The following SPATA9 variants were observed in gnomAD, a reference collection of about 807,000 sequenced individuals.
The protein encoded by SPATA9 is spermatogenesis-associated protein 9.
A neutral mutation model predicts 25.5 loss-of-function variants in SPATA9; 27 were observed. The observed-to-expected ratio is 1.06, with a 90% CI of 0.78 to 1.46. The LOEUF (loss-of-function observed/expected upper bound fraction) is 1.46, where lower values mean the gene tolerates loss of function less well. SPATA9 is among the 40% of genes most tolerant of loss of function. The probability of loss-of-function intolerance (pLI) is 0.00; values close to 1 mark genes in which losing one functional copy is unlikely to be tolerated. For missense variants in SPATA9, 282 were observed against 297.5 expected (o/e 0.95, Z 0.38); for synonymous variants, 102 against 105.7 (o/e 0.97, Z 0.21).
chr5:95,678,692 C>T (rs1220958474), intron 2 of SPATA9, among the ~76,000 whole-genome samples: 2 of 152,272 alleles, frequency 1.3e-5, no homozygotes, highest in African/African-American at 4.8e-5. Context: ...AAGACCATTC[C>T]TTTCACTGTT....
intron 1 of SPATA9, among the ~76,000 whole-genome samples, chr5:95,694,159 C>CA (rs201533944): frequency 0.012 from 1,734 of 150,738 alleles, 34 homozygotes; most frequent in African/African-American, 0.039. Flanking sequence ...GACCTAGTCT[C>CA]AAAAAAAAGG....
At chr5:95,726,172 C>T in the SPATA9 span, among the ~76,000 whole-genome samples, 1 of 152,164 alleles carries the variant, frequency 6.6e-6, no homozygotes, top group Non-Finnish European at 1.5e-5. Context: ...GGAATTTTAG[C>T]AAAACTTCAT....
exon 9 of SPATA9, chr5:95,653,070 C>T (rs1192041131): frequency 1.3e-6 from 2 of 1,548,880 alleles, no homozygotes; most frequent in African/African-American, 2.7e-5. Flanking sequence ...AACACATTCA[C>T]CAAGACTTTT....
chr5:95,682,880 T>C lies in SPATA9; in HGVS notation c.-26A>G, dbSNP rs527372494. 4.0e-6 allele frequency: 6 copies of C among 1,497,560 alleles called. No homozygotes were observed. In the African/African-American group the frequency reaches 8.4e-5, roughly 21 times the overall value. 92.8% of individuals were successfully genotyped at this position (1,497,560 alleles called of 1,614,324 possible). A position where few individuals can be genotyped will look rare whatever the true frequency, so the allele number is the denominator to read the frequency against. ...GGTGAGTTCTTGCTTGGGTTCCTAG[T>C]CCTTAACAAGCTTGCAGGCCTGGGT... is the stretch of plus-strand genomic sequence containing the variant. On this transcript the variant is annotated 5_prime_UTR_variant, in exon 1 of 5. Coordinates refer to ENST00000274432, the MANE Select transcript of SPATA9 (RefSeq NM_031952.4).
chr5:95,657,831 T>G (rs1750853879), downstream of SPATA9: 1 of 152,144 alleles, frequency 6.6e-6, no homozygotes, highest in Non-Finnish European at 1.5e-5. Flanking sequence ...GGAAGGTACA[T>G]CCCAGTCTAT....
chr5:95,728,047 A>G, the SPATA9 span, among the ~76,000 whole-genome samples: 1 of 152,256 alleles, frequency 6.6e-6, no homozygotes, highest in Non-Finnish European at 1.5e-5. Context: ...ACACTTCTCT[A>G]CTGCTCAGCA....
At chr5:95,655,546 A>G (rs892789101), downstream of SPATA9, 1 of 152,894 alleles carries the variant, frequency 6.5e-6, no homozygotes, top group Non-Finnish European at 1.5e-5. Flanking sequence ...GGTGCTTCCT[A>G]TGTTTTTTAA....
chr5:95,683,604 C>T (rs564441012), upstream of SPATA9, among the ~76,000 whole-genome samples: 99 of 152,138 alleles, frequency 6.5e-4, 1 homozygote, highest in Non-Finnish European at 9.4e-4. Flanking sequence ...GTGGCGCGAT[C>T]TTGGCTCACT....
At chr5:95,686,703 G>A (rs143011616), upstream of SPATA9, among the ~76,000 whole-genome samples, 29 of 152,148 alleles carry the variant, frequency 1.9e-4, no homozygotes, top group African/African-American at 6.3e-4. Context: ...GACCCTCCTG[G>A]GGGGGTAACT....
chr5:95,685,017 A>C (rs1753704694), upstream of SPATA9, among the ~76,000 whole-genome samples: 1 of 152,242 alleles, frequency 6.6e-6, no homozygotes, highest in Non-Finnish European at 1.5e-5. Flanking sequence ...AGACAGTATA[A>C]ACTTAGTGAT....
Position 95,669,661 on chromosome 5 carries a change from C to A in SPATA9, c.379-5613G>T, listed in dbSNP as rs572394085. ...CTTGGTCCTGTGGCTCTGCATTGGC[C>A]TGCCAGAATCAACAATGATGTCTGG... On this transcript the variant is annotated intron_variant, in intron 3 of 4. Coordinates refer to ENST00000274432, the MANE Select transcript of SPATA9 (RefSeq NM_031952.4). 9.9e-4 allele frequency among the ~76,000 whole-genome samples: 151 copies of A among 152,314 alleles called. 1 individual carries two copies. Among genetic ancestry groups the A allele is most frequent in the Admixed American group, 1.9e-3 (29 of 15,310 alleles).
At chr5:95,672,433 T>C (rs1021299510) in intron 3 of SPATA9, among the ~76,000 whole-genome samples, 3 of 151,146 alleles carry the variant, frequency 2.0e-5, no homozygotes, top group Non-Finnish European at 4.4e-5. Flanking sequence ...GAGGGACAGT[T>C]TCACCACCAA....
At chr5:95,688,345 T>C (rs549166216) in intron 1 of SPATA9, among the ~76,000 whole-genome samples, 1 of 152,306 alleles carries the variant, frequency 6.6e-6, no homozygotes, top group South Asian at 2.1e-4. Flanking sequence ...CCCAAACTCC[T>C]GGTTTCAAAT....
At chr5:95,681,590 G>A (rs146995211) in intron 2 of SPATA9, among the ~76,000 whole-genome samples, 6 of 152,192 alleles carry the variant, frequency 3.9e-5, no homozygotes, top group East Asian at 3.9e-4. Context: ...GCTCATTAGC[G>A]GAAAGGATCA....
At chr5:95,667,318 G>T (rs373258731) in intron 3 of SPATA9, among the ~76,000 whole-genome samples, 26 of 151,472 alleles carry the variant, frequency 1.7e-4, no homozygotes, top group Non-Finnish European at 3.4e-4. Flanking sequence ...CTAAGAGTGG[G>T]GGGGTGGGGG....
At chr5:95,654,787 G>A (rs111984324), downstream of SPATA9, among the ~76,000 whole-genome samples, 42 of 152,128 alleles carry the variant, frequency 2.8e-4, 2 homozygotes, top group African/African-American at 8.4e-4. Context: ...AAAAAAGCAC[G>A]TCATAGGATG....
intron 3 of SPATA9, among the ~76,000 whole-genome samples, chr5:95,670,005 G>A (rs1432369651): frequency 1.3e-5 from 2 of 152,100 alleles, no homozygotes; most frequent in Non-Finnish European, 2.9e-5. Flanking sequence ...CTAACAAGGT[G>A]GCAAGCTGGA....
At chr5:95,664,170 G>T in intron 3 of SPATA9, 122 bp from the exon 4 acceptor site, 1 of 465,240 alleles carries the variant, frequency 2.1e-6, no homozygotes, top group Non-Finnish European at 3.7e-6. Flanking sequence ...CTACTTTAGA[G>T]CTATCTGGGC....
chr5:95,664,273 C>G (rs891896314), intron 3 of SPATA9, among the ~76,000 whole-genome samples: 3 of 152,138 alleles, frequency 2.0e-5, no homozygotes, highest in African/African-American at 4.8e-5. Context: ...AAAAATCTTG[C>G]ATTTCTGCGA....
Sources: allele counts gnomAD v4.1 joint callset (sites outside exome capture counted in the v4.1 genomes callset), GRCh38; gene constraint gnomAD v4.1.1; transcripts MANE v1.5; gene names NCBI Gene and HGNC (gene_info 2026-07-23, HGNC 2026-07-21).